Variants in KIAA1328 observed in about 807,000 individuals in gnomAD.
KIAA1328 encodes KIAA1328, also known as protein hinderin.
A neutral mutation model predicts 68.1 loss-of-function variants in KIAA1328; 52 were observed. The ratio of observed to expected loss-of-function variants is 0.76; its 90% CI spans 0.61 to 0.96. KIAA1328 has a LOEUF of 0.96. Among genes scored for constraint, KIAA1328 ranks in the 40% least tolerant of loss-of-function variants. KIAA1328 has a pLI of 0.00. For synonymous variants in KIAA1328, 232 were observed against 239.4 expected, an observed-to-expected ratio of 0.97 and a Z score of 0.28; for missense variants, 641 against 677.6, an observed-to-expected ratio of 0.95 and a Z score of 0.60.
At chr18:37,071,402 A>G (rs1443518632) in intron 7 of KIAA1328, among the ~76,000 whole-genome samples, 1 of 152,152 alleles carries the variant, frequency 6.6e-6, no homozygotes, top group Non-Finnish European at 1.5e-5. Flanking sequence ...TAAAGTGTAT[A>G]TGATTTCCCA....
intron 5 of KIAA1328, among the ~76,000 whole-genome samples, chr18:36,958,805 G>A (rs111743624): frequency 4.8e-4 from 72 of 151,462 alleles, no homozygotes; most frequent in African/African-American, 1.7e-3. Context: ...TTAAAATAAT[G>A]CCTTTTGAAA....
intron 4 of KIAA1328, among the ~76,000 whole-genome samples, chr18:36,885,065 G>A (rs1046624203): frequency 1.3e-5 from 2 of 151,792 alleles, no homozygotes; most frequent in Non-Finnish European, 2.9e-5. Context: ...TGCTACTAAA[G>A]AATGCTGGGT....
chr18:37,001,774 T>C (rs1456217842), intron 6 of KIAA1328, among the ~76,000 whole-genome samples: 1 of 152,182 alleles, frequency 6.6e-6, no homozygotes, highest in Non-Finnish European at 1.5e-5. Flanking sequence ...TCTCAATAGA[T>C]GCAGAAAAAG....
At chr18:37,037,999 G>A (rs1485563028) in intron 6 of KIAA1328, among the ~76,000 whole-genome samples, 1 of 152,116 alleles carries the variant, frequency 6.6e-6, no homozygotes, top group Non-Finnish European at 1.5e-5. Context: ...TACTCGGGAG[G>A]CTGAGGCAGC....
intron 5 of KIAA1328, among the ~76,000 whole-genome samples, chr18:36,954,013 T>TTTTTGG (rs2051290476): frequency 6.8e-6 from 1 of 147,248 alleles, no homozygotes; most frequent in African/African-American, 2.5e-5. Flanking sequence ...TTTTTTTTTT[T>TTTTTGG]GAGACGGAGT....
intron 6 of KIAA1328, among the ~76,000 whole-genome samples, chr18:37,038,744 A>G (rs2055129193): frequency 6.6e-6 from 1 of 152,116 alleles, no homozygotes; most frequent in Non-Finnish European, 1.5e-5. Context: ...AGTGTTGATC[A>G]GAAGACGTAA....
chr18:37,054,279 C>G (rs1418129005), intron 6 of KIAA1328, among the ~76,000 whole-genome samples: 1 of 152,046 alleles, frequency 6.6e-6, no homozygotes, highest in Non-Finnish European at 1.5e-5. Context: ...AAAACTGGAA[C>G]CAACATTTTA....
chr18:37,188,294 C>T lies in KIAA1328; in HGVS notation c.1523+15213C>T, dbSNP rs970034926. On this transcript the variant is annotated intron_variant, in intron 9 of 9. Coordinates refer to ENST00000280020, the MANE Select transcript of KIAA1328 (RefSeq NM_020776.3). ...GAAATGTGCTGCCTCTAAAATAAAA[C>T]TTCTCTCTAGACCAGTTGATAATAC... Among the ~76,000 whole-genome samples the T allele has an allele frequency of 7.2e-5, 11 of 152,284 alleles. No homozygotes were observed. The South Asian group carries it at 1.4e-3, about 20-fold the overall frequency.
intron 5 of KIAA1328, among the ~76,000 whole-genome samples, chr18:36,895,458 T>G (rs557279443): frequency 6.6e-6 from 1 of 152,200 alleles, no homozygotes. Context: ...GAAGAGATTT[T>G]AAAGATCTGC....
intron 6 of KIAA1328, among the ~76,000 whole-genome samples, chr18:36,969,359 G>GA (rs1207259045): frequency 1.3e-5 from 2 of 151,618 alleles, no homozygotes; most frequent in African/African-American, 2.4e-5. Context: ...CTGGTCTTTT[G>GA]AAAAAAATTA....
At chr18:36,863,427 A>G (rs1354047114) in intron 4 of KIAA1328, among the ~76,000 whole-genome samples, 1 of 152,148 alleles carries the variant, frequency 6.6e-6, no homozygotes, top group Non-Finnish European at 1.5e-5. Context: ...CTGTAGCACT[A>G]TAGTAAGCCT....
intron 6 of KIAA1328, among the ~76,000 whole-genome samples, chr18:36,972,587 G>T (rs1334030855): frequency 1.1e-4 from 16 of 152,142 alleles, no homozygotes; most frequent in Non-Finnish European, 1.8e-4. Flanking sequence ...TTTGGTGTCA[G>T]AGTAGCCAAG....
chr18:37,002,683 G>A (rs368142661), intron 6 of KIAA1328, among the ~76,000 whole-genome samples: 1 of 152,038 alleles, frequency 6.6e-6, no homozygotes, highest in African/African-American at 2.4e-5. Context: ...ATTGATGGAA[G>A]CAATTGAAGA....
At chr18:37,140,117 A>G (rs1435410033) in intron 7 of KIAA1328, among the ~76,000 whole-genome samples, 2 of 152,188 alleles carry the variant, frequency 1.3e-5, no homozygotes, top group Non-Finnish European at 2.9e-5. Context: ...CTCCCTAAAG[A>G]AAAATTCAAA....
At chr18:37,027,706 C>CA (rs1355383179) in intron 6 of KIAA1328, among the ~76,000 whole-genome samples, 1 of 152,090 alleles carries the variant, frequency 6.6e-6, no homozygotes, top group African/African-American at 2.4e-5. Flanking sequence ...ACCCCTTATA[C>CA]AAAAATTAAT....
intron 6 of KIAA1328, among the ~76,000 whole-genome samples, chr18:37,022,830 T>C (rs923261660): frequency 6.6e-6 from 1 of 152,202 alleles, no homozygotes; most frequent in South Asian, 2.1e-4. Flanking sequence ...ATGAGAATCA[T>C]ATTAAGATGA....
At chr18:37,158,915 G>T (rs764875491) in intron 7 of KIAA1328, among the ~76,000 whole-genome samples, 4 of 151,920 alleles carry the variant, frequency 2.6e-5, no homozygotes, top group African/African-American at 9.7e-5. Context: ...CTGGGTTGAC[G>T]TAAATTTATA....
chr18:37,127,760 C>T (rs919822596), intron 7 of KIAA1328, among the ~76,000 whole-genome samples: 1 of 152,018 alleles, frequency 6.6e-6, no homozygotes, highest in Admixed American at 6.6e-5. Context: ...ATACAAAGGA[C>T]TTTAGAACAC....
intron 6 of KIAA1328, among the ~76,000 whole-genome samples, chr18:37,012,132 C>T (rs963901059): frequency 6.6e-6 from 1 of 152,062 alleles, no homozygotes; most frequent in African/African-American, 2.4e-5. Flanking sequence ...GTTAGACTTC[C>T]AGTAGTGACT....
Sources: gnomAD v4.1 joint callset for allele counts (sites outside exome capture counted in the v4.1 genomes callset) on GRCh38, gnomAD v4.1.1 for gene constraint, MANE v1.5 for transcripts, NCBI Gene and HGNC (gene_info 2026-07-23, HGNC 2026-07-21) for gene names.